Variants in CDH4 observed in about 807,000 individuals in gnomAD.
The protein encoded by CDH4 is cadherin-4.
Under a neutral mutation model 86.0 loss-of-function variants are expected in CDH4, and 33 were observed. The observed-to-expected ratio is 0.38, with a 90% CI of 0.29 to 0.51. The LOEUF (loss-of-function observed/expected upper bound fraction) is 0.51, where lower values mean the gene tolerates loss of function less well. Ranked by LOEUF, CDH4 falls within the 20% of genes least tolerant of loss-of-function variation. CDH4 has a pLI of 0.86. For synonymous variants in CDH4, 555 were observed against 549.4 expected (o/e 1.01, Z -0.14); for missense variants, 1,114 against 1,307.4 (o/e 0.85, Z 2.28).
intron 2 of CDH4, among the ~76,000 whole-genome samples, chr20:61,487,646 G>C (rs2085603732): frequency 6.6e-6 from 1 of 152,110 alleles, no homozygotes; most frequent in South Asian, 2.1e-4. Flanking sequence ...AATGCAATCT[G>C]ACAAGACAAC....
At chr20:61,490,655 C>T (rs896247452) in intron 2 of CDH4, among the ~76,000 whole-genome samples, 1 of 151,830 alleles carries the variant, frequency 6.6e-6, no homozygotes, top group Non-Finnish European at 1.5e-5. Context: ...GCTGAGATCA[C>T]GCCATTGCAC....
At chr20:61,797,086 C>T (rs74865841) in intron 4 of CDH4, among the ~76,000 whole-genome samples, 14 of 15,934 alleles carry the variant, frequency 8.8e-4, no homozygotes, top group Non-Finnish European at 1.2e-3. Flanking sequence ...AGGAAGAGCC[C>T]CCCCCCCCCC....
In CDH4 at chr20:61,333,938, G is replaced by A. The variant is rs557261388; in HGVS notation, c.169+79001G>A. 5.3e-5 allele frequency among the ~76,000 whole-genome samples: 8 copies of A among 152,344 alleles called. No individual in the cohort carries two copies. In the South Asian group the frequency reaches 1.4e-3, roughly 28 times the overall value. On this transcript the variant is annotated intron_variant, in intron 2 of 15. Transcript: ENST00000614565. ...CCATGAGGTGACTGGGTGGGAGGGGGCCTCCTGGTCGGTGAGGGCGGGAGA... is the reference window on the plus strand; with the variant it reads ...CCATGAGGTGACTGGGTGGGAGGGGACCTCCTGGTCGGTGAGGGCGGGAGA...
At chr20:61,258,068 G>A (rs923056471) in intron 2 of CDH4, among the ~76,000 whole-genome samples, 3 of 152,116 alleles carry the variant, frequency 2.0e-5, no homozygotes, top group South Asian at 2.1e-4. Context: ...GGTGGCTCAC[G>A]CCTGTAATCC....
intron 2 of CDH4, among the ~76,000 whole-genome samples, chr20:61,712,224 C>A (rs1429669315): frequency 6.6e-6 from 1 of 152,156 alleles, no homozygotes; most frequent in East Asian, 1.9e-4. Flanking sequence ...GGACTTGATC[C>A]GTGTGGTGGA....
chr20:61,565,905 A>AC (rs927057156), intron 2 of CDH4, among the ~76,000 whole-genome samples: 18 of 151,650 alleles, frequency 1.2e-4, no homozygotes, highest in African/African-American at 4.4e-4. Context: ...GTCTGCATCC[A>AC]CCCCCTCTGT....
Position 61,314,225 on chromosome 20 carries a change from A to T in CDH4, c.169+59288A>T, listed in dbSNP as rs562595513. Among the ~76,000 whole-genome samples, 3 of 152,248 alleles carry T rather than the reference A, an allele frequency of 2.0e-5. No homozygotes were observed. In the East Asian group the frequency reaches 5.8e-4, roughly 29 times the overall value. ...GCTGTACCTTAGATCCCCAGAAATC[A>T]CCCATCTTAGAACTGAAACTTTGTC... On this transcript the variant is annotated intron_variant, in intron 2 of 15. Transcript: ENST00000614565.
chr20:61,527,415 G>A (rs6061597), intron 2 of CDH4, among the ~76,000 whole-genome samples: 33,344 of 151,976 alleles, frequency 0.22, 6,626 homozygotes, highest in African/African-American at 0.53. Flanking sequence ...ACGCCCAGCT[G>A]ATTTTTGTAT....
rs780842514 is a variant in CDH4, at chr20:61,873,784, G to A, written c.934G>A (p.Gly312Arg). ...NDADDSTTAN[G>R]MVRYRIVTQT... ...TGCTGACGACAGCACCACGGCCAACGGGATGGTGCGGTACCGGATCGTGAC... is the reference window on the plus strand; with the variant it reads ...TGCTGACGACAGCACCACGGCCAACAGGATGGTGCGGTACCGGATCGTGAC... The change falls in exon 7 of 16, where the codon GGG (glycine) becomes AGG (arginine). Residue 312 changes from glycine (G) to arginine (R), a missense_variant. Around this residue, in one of 3 missense-constraint regions of CDH4, gnomAD observed 705 missense variants for 914.1 expected, o/e 0.77. Transcript: ENST00000614565. 5 of 1,614,060 alleles carry A rather than the reference G, an allele frequency of 3.1e-6. No homozygotes were observed. The highest frequency in any genetic ancestry group is 4.2e-6 in the Non-Finnish European group (5 of 1,180,030).
At chr20:61,422,919 C>A (rs2085188077) in intron 2 of CDH4, among the ~76,000 whole-genome samples, 1 of 152,122 alleles carries the variant, frequency 6.6e-6, no homozygotes, top group African/African-American at 2.4e-5. Context: ...ATCAGGATTC[C>A]ATCTGGGAAA....
intron 2 of CDH4, among the ~76,000 whole-genome samples, chr20:61,306,343 T>C (rs1235069960): frequency 3.8e-4 from 4 of 10,532 alleles, no homozygotes; most frequent in African/African-American, 4.4e-4. Context: ...TTTCTTTCTT[T>C]TTCTTTTTTT....
intron 4 of CDH4, among the ~76,000 whole-genome samples, chr20:61,806,915 G>C (rs1240184170): frequency 6.6e-6 from 1 of 152,318 alleles, no homozygotes; most frequent in East Asian, 1.9e-4. Flanking sequence ...ACCTGGGTAA[G>C]AGCCGCTGCA....
intron 2 of CDH4, among the ~76,000 whole-genome samples, chr20:61,592,685 G>T (rs1288578415): frequency 6.6e-6 from 1 of 152,082 alleles, no homozygotes; most frequent in Admixed American, 6.5e-5. Flanking sequence ...TCTGTCTGTG[G>T]ATTTGCCTTT....
intron 7 of CDH4, among the ~76,000 whole-genome samples, chr20:61,877,266 A>G (rs1325632066): frequency 6.6e-6 from 1 of 151,912 alleles, no homozygotes; most frequent in Non-Finnish European, 1.5e-5. Context: ...AGTGAGGCTG[A>G]CCCGGCAGCT....
At chr20:61,423,371 T>C (rs13045326) in intron 2 of CDH4, among the ~76,000 whole-genome samples, 4 of 152,136 alleles carry the variant, frequency 2.6e-5, no homozygotes, top group African/African-American at 9.7e-5. Flanking sequence ...TCTTTCTAAA[T>C]ATCATGTCCC....
intron 2 of CDH4, among the ~76,000 whole-genome samples, chr20:61,358,403 G>C (rs1469214768): frequency 6.6e-6 from 1 of 152,188 alleles, no homozygotes; most frequent in Non-Finnish European, 1.5e-5. Flanking sequence ...GGTCCGGCAT[G>C]GCCATTTCTT....
intron 2 of CDH4, among the ~76,000 whole-genome samples, chr20:61,569,932 G>A (rs1460060664): frequency 2.0e-5 from 3 of 152,094 alleles, no homozygotes; most frequent in Admixed American, 6.6e-5. Context: ...AGAATTGAGG[G>A]CCTCATTCGA....
chr20:61,909,413 C>T (rs941861230), intron 8 of CDH4, among the ~76,000 whole-genome samples: 11 of 152,228 alleles, frequency 7.2e-5, no homozygotes, highest in Non-Finnish European at 1.0e-4. Flanking sequence ...TCATCTGTGA[C>T]GCCAGAAGTC....
intron 2 of CDH4, among the ~76,000 whole-genome samples, chr20:61,583,406 G>A (rs2086446703): frequency 6.6e-6 from 1 of 152,112 alleles, no homozygotes; most frequent in Non-Finnish European, 1.5e-5. Flanking sequence ...CCTGTGCAGA[G>A]AGCAGTGAGG....
Sources: allele counts gnomAD v4.1 joint callset (sites outside exome capture counted in the v4.1 genomes callset), GRCh38; gene constraint gnomAD v4.1.1; regional missense constraint gnomAD v4.1.1; transcripts MANE v1.5; gene names NCBI Gene and HGNC (gene_info 2026-07-23, HGNC 2026-07-21).